CSNK1E: variants seen among roughly 807,000 people sequenced by gnomAD.
CSNK1E encodes the protein casein kinase I isoform epsilon.
CSNK1E carries 17 observed loss-of-function variants against 46.1 expected under a neutral mutation model. The ratio of observed to expected loss-of-function variants is 0.37; its 90% CI spans 0.25 to 0.55. The LOEUF (loss-of-function observed/expected upper bound fraction) is 0.55, where lower values mean the gene tolerates loss of function less well. Ranked by LOEUF, CSNK1E falls within the 20% of genes least tolerant of loss-of-function variation. The pLI is 0.82. For missense variants in CSNK1E, 386 were observed against 595.4 expected (o/e 0.65, Z 3.66); for synonymous variants, 241 against 242.6 (o/e 0.99, Z 0.06).
intron 2 of CSNK1E, among the ~76,000 whole-genome samples, chr22:38,306,393 C>T (rs1052226675): frequency 6.6e-6 from 1 of 152,180 alleles, no homozygotes; most frequent in African/African-American, 2.4e-5. Context: ...TGCGACTCAC[C>T]GTTTTTAGTA....
chr22:38,304,765 T>C (rs185930060), intron 2 of CSNK1E, among the ~76,000 whole-genome samples: 1 of 152,250 alleles, frequency 6.6e-6, no homozygotes, highest in Admixed American at 6.5e-5. Context: ...TGCGGCGGAA[T>C]ATTATTCAGC....
chr22:38,293,290 C>A lies in CSNK1E; in HGVS notation c.1248G>T (p.Lys416Asn), dbSNP rs2092621140. The A allele has an allele frequency of 1.9e-6, 3 of 1,612,760 alleles. No individual in the cohort carries two copies. ...QTSVPFDHLG[K>N] ...ACTGGTCCAATGGGGGCTCTCCTCA[C>A]TTCCCGAGATGGTCAAATGGCACAC... is the stretch of plus-strand genomic sequence containing the variant. The change falls in exon 10 of 11, where the codon AAG becomes AAT. Residue 416 changes from lysine (K) to asparagine (N), a missense_variant. Transcript: ENST00000396832.
rs1166560360 is a variant in CSNK1E, at chr22:38,294,294, G to A, written c.1079-46C>T. ...CACCCTCAGAGTAGGCACAAACAGA[G>A]CCCCCCACCCACCCTGAACCCAGCC... On this transcript the variant is annotated intron_variant, in intron 8 of 10. Coordinates refer to ENST00000396832, the MANE Select transcript of CSNK1E (RefSeq NM_152221.3). This position sits in a 1 kb window ranked among gnomAD's most constrained non-coding sequence, Gnocchi z 5.5. 5 of 1,599,994 alleles carry A rather than the reference G, an allele frequency of 3.1e-6. No homozygotes were observed. In the African/African-American group the frequency reaches 6.7e-5, roughly 21 times the overall value.
At chr22:38,315,167 G>A (rs1023197735) in intron 1 of CSNK1E, among the ~76,000 whole-genome samples, 4 of 152,202 alleles carry the variant, frequency 2.6e-5, no homozygotes, top group East Asian at 1.9e-4. Flanking sequence ...ACAGGGCTCC[G>A]GCTGTCCCAC....
Position 38,310,956 on chromosome 22 carries a change from C to T in CSNK1E, c.76+3126G>A, listed in dbSNP as rs538623071. Among the ~76,000 whole-genome samples, 114 of 152,320 alleles carry T rather than the reference C, an allele frequency of 7.5e-4. 1 individual carries two copies. In the Middle Eastern group the frequency reaches 0.02, roughly 27 times the overall value. ...CCCTACAATCACCACTGTCCCCAAA[C>T]CAACAAGACAGGGGCCCAGGAGGGT... On this transcript the variant is annotated intron_variant, in intron 2 of 10. Coordinates refer to ENST00000396832, the MANE Select transcript of CSNK1E (RefSeq NM_152221.3).
At chr22:38,293,164 C>G (rs2092620457) in intron 10 of CSNK1E, 91 bp downstream of exon 10, 3 of 1,032,504 alleles carry the variant, frequency 2.9e-6, no homozygotes, top group East Asian at 2.4e-5. Flanking sequence ...CACTGCCACC[C>G]ACCCCTCCAC....
At chr22:38,292,907 C>T (rs781554835) in intron 10 of CSNK1E, 4 of 321,292 alleles carry the variant, frequency 1.2e-5, no homozygotes, top group Middle Eastern at 1.1e-3. Flanking sequence ...GGGCTAATGC[C>T]GTGGGAGAGG....
intron 2 of CSNK1E, among the ~76,000 whole-genome samples, chr22:38,306,964 G>A (rs1179710015): frequency 2.0e-5 from 3 of 151,990 alleles, no homozygotes; most frequent in South Asian, 2.1e-4. Context: ...TGAGTCCAGC[G>A]GTTCGAGACC....
intron 1 of CSNK1E, among the ~76,000 whole-genome samples, chr22:38,315,338 G>T (rs1272177716): frequency 3.3e-5 from 5 of 152,232 alleles, no homozygotes; most frequent in African/African-American, 1.2e-4. Flanking sequence ...CAGATCCCAG[G>T]AGAGACAGGG....
intron 4 of CSNK1E, 62 bp downstream of exon 4, chr22:38,302,799 G>A (rs1159321582): frequency 1.0e-5 from 16 of 1,594,572 alleles, no homozygotes; most frequent in Non-Finnish European, 1.4e-5. Flanking sequence ...GGGGGCAGGA[G>A]GCAGGGCTGG....
intron 10 of CSNK1E, chr22:38,292,689 T>G (rs2092617645): frequency 6.5e-6 from 1 of 153,122 alleles, no homozygotes; most frequent in Non-Finnish European, 1.5e-5. Context: ...CGCCTCCCCT[T>G]CCCCAAGCCA....
chr22:38,296,543 A>G, intron 7 of CSNK1E: 2 of 1,611,212 alleles, frequency 1.2e-6, no homozygotes, highest in Non-Finnish European at 1.7e-6. Flanking sequence ...AGCTCACTAC[A>G]GTGGCCGTGG....
chr22:38,304,342 A>G (rs1042379195), intron 2 of CSNK1E, among the ~76,000 whole-genome samples: 1 of 152,178 alleles, frequency 6.6e-6, no homozygotes, highest in Non-Finnish European at 1.5e-5. Context: ...AAAAGACACC[A>G]TGGCTCACAC....
rs2092653357 is a variant in CSNK1E, at chr22:38,298,518, C to A, written c.885+268G>T. 4.3e-6 allele frequency: 2 copies of A among 465,210 alleles called. No individual in the cohort carries two copies. Among genetic ancestry groups the A allele is most frequent in the Non-Finnish European group, 7.9e-6 (2 of 252,846 alleles). 28.8% of individuals were successfully genotyped at this position (465,210 alleles called of 1,614,324 possible). A position where few individuals can be genotyped will look rare whatever the true frequency, so the allele number is the denominator to read the frequency against. On this transcript the variant is annotated intron_variant, in intron 7 of 10. Coordinates refer to ENST00000396832, the MANE Select transcript of CSNK1E (RefSeq NM_152221.3). The surrounding 1 kb of genome is among the most constrained non-coding windows in gnomAD (Gnocchi z 4.2). The stretch of plus-strand genomic sequence containing the variant: ...AGCACCACCCATGCCCTGCTGCGGG[C>A]ACCCAGGAGGGACCCCAGGTGAAGC...
chr22:38,300,196 A>G lies in CSNK1E; in HGVS notation c.566-131T>C, dbSNP rs1428567385. On this transcript the variant is annotated intron_variant, in intron 5 of 10. Coordinates refer to ENST00000396832, the MANE Select transcript of CSNK1E (RefSeq NM_152221.3). This position sits in a 1 kb window ranked among gnomAD's most constrained non-coding sequence, Gnocchi z 4.4. ...ACGTCGGATGTTGCTCACTGCACGC[A>G]TTTTAAACAGGCACTGCTATTATCC... The G allele has an allele frequency of 5.2e-6, 4 of 773,394 alleles. No individual in the cohort carries two copies. The highest frequency in any genetic ancestry group is 8.1e-6 in the Non-Finnish European group (4 of 491,604). The allele number at this position is 773,394 out of a possible 1,614,324, so 47.9% of individuals were successfully genotyped here.
At chr22:38,296,629 G>A in intron 7 of CSNK1E, 1 of 1,612,896 alleles carries the variant, frequency 6.2e-7, no homozygotes, top group African/African-American at 1.3e-5. Context: ...CCTGCCTCAA[G>A]AGGGACTTCC....
rs778441157 is a variant in CSNK1E at position 38,309,806 on chromosome 22, T to C, written c.76+4276A>G. ...GGAAAAACAGACACCAAAGGTCAAATGATCATATGCTACAAACTTCCCAGG... is the reference window on the plus strand; with the variant it reads ...GGAAAAACAGACACCAAAGGTCAAACGATCATATGCTACAAACTTCCCAGG... On this transcript the variant is annotated intron_variant, in intron 2 of 10. Transcript: ENST00000396832. This position sits in a 1 kb window ranked among gnomAD's most constrained non-coding sequence, Gnocchi z 4.8. Among the ~76,000 whole-genome samples, 4 of 152,146 alleles carry C rather than the reference T, an allele frequency of 2.6e-5. No individual in the cohort carries two copies. Among genetic ancestry groups the C allele is most frequent in the Non-Finnish European group, 5.9e-5 (4 of 68,026 alleles).
rs2092720937 is a variant in CSNK1E at position 38,311,513 on chromosome 22, C to G, written c.76+2569G>C. On this transcript the variant is annotated intron_variant, in intron 2 of 10. Transcript: ENST00000396832. ...CCTGTCTGCAAAAAGAGCGACGGGACCTGGGATGGGCGCTGTCTAGGAACA... is the reference window on the plus strand; with the variant it reads ...CCTGTCTGCAAAAAGAGCGACGGGAGCTGGGATGGGCGCTGTCTAGGAACA... Among the ~76,000 whole-genome samples, 3 of 152,136 alleles carry G rather than the reference C, an allele frequency of 2.0e-5. No individual in the cohort carries two copies. The South Asian group carries it at 6.2e-4, about 31-fold the overall frequency.
chr22:38,304,620 C>G (rs896818213), intron 2 of CSNK1E, among the ~76,000 whole-genome samples: 1 of 152,104 alleles, frequency 6.6e-6, no homozygotes, highest in South Asian at 2.1e-4. Context: ...GAATCCCAGG[C>G]GGCAGTGAAG....
Sources: allele counts gnomAD v4.1 joint callset (sites outside exome capture counted in the v4.1 genomes callset), GRCh38; gene constraint gnomAD v4.1.1; non-coding constraint Gnocchi (gnomAD v3.1); transcripts MANE v1.5; gene names NCBI Gene and HGNC (gene_info 2026-07-23, HGNC 2026-07-21).